The following NKAIN2 variants were observed in gnomAD, a reference collection of about 807,000 sequenced individuals.
NKAIN2 encodes sodium/potassium transporting ATPase interacting 2.
In NKAIN2, 14 loss-of-function variants were observed where a neutral mutation model predicts 32.6. The observed-to-expected ratio is 0.43, with a 90% CI of 0.28 to 0.67. The LOEUF is 0.67. Among genes scored for constraint, NKAIN2 ranks in the 30% least tolerant of loss-of-function variants. NKAIN2 has a pLI of 0.17. For missense variants in NKAIN2, 198 were observed against 258.3 expected (o/e 0.77, Z 1.60); for synonymous variants, 80 against 87.2 (o/e 0.92, Z 0.46).
intron 1 of NKAIN2, among the ~76,000 whole-genome samples, chr6:124,250,434 G>A (rs567094018): frequency 6.6e-6 from 1 of 152,028 alleles, no homozygotes; most frequent in Admixed American, 6.6e-5. Context: ...AATACAAAGG[G>A]AAGATTTTTA....
chr6:124,060,806 T>C (rs1349478390), intron 1 of NKAIN2, among the ~76,000 whole-genome samples: 1 of 151,966 alleles, frequency 6.6e-6, no homozygotes, highest in East Asian at 1.9e-4. Flanking sequence ...AATAGAAAAA[T>C]TGGAAAATAT....
chr6:124,026,326 C>T (rs1781109680), intron 1 of NKAIN2, among the ~76,000 whole-genome samples: 1 of 152,154 alleles, frequency 6.6e-6, no homozygotes, highest in Admixed American at 6.6e-5. Context: ...TATTCATATT[C>T]ATATTTTGCC....
chr6:124,805,576 G>C (rs1346739845), intron 5 of NKAIN2, among the ~76,000 whole-genome samples: 17 of 152,182 alleles, frequency 1.1e-4, no homozygotes, highest in South Asian at 6.2e-4. Context: ...ACTCTAAAAA[G>C]CAGAGCATCT....
At position 124,823,839 on chromosome 6, in the gene NKAIN2, G is replaced by T. The variant is rs1378688499; in HGVS notation, c.*610G>T. Reference sequence around the variant, plus strand: ...AGAATCCCAGTGCAGACAGCCCCAAGCCACTTCCTTTAGGCTAACACACTG... The same window carrying T: ...AGAATCCCAGTGCAGACAGCCCCAATCCACTTCCTTTAGGCTAACACACTG... On this transcript the variant is annotated 3_prime_UTR_variant, in exon 7 of 7. Transcript: ENST00000368417. 1 of 153,070 alleles carries T rather than the reference G, an allele frequency of 6.5e-6. No homozygotes were observed. The highest frequency in any genetic ancestry group is 1.5e-5 in the Non-Finnish European group (1 of 68,718). 9.5% of individuals were successfully genotyped at this position (153,070 alleles called of 1,614,324 possible).
At chr6:124,269,300 G>A (rs984491093) in intron 1 of NKAIN2, among the ~76,000 whole-genome samples, 9 of 151,914 alleles carry the variant, frequency 5.9e-5, no homozygotes, top group Non-Finnish European at 8.8e-5. Flanking sequence ...TCAATACTAG[G>A]GTTACTTCAA....
At chr6:124,382,277 A>C (rs1246516051) in intron 3 of NKAIN2, among the ~76,000 whole-genome samples, 1 of 118,780 alleles carries the variant, frequency 8.4e-6, no homozygotes, top group Non-Finnish European at 1.7e-5. Flanking sequence ...GAGGAGAAAA[A>C]AGGAGAAAGG....
At chr6:124,107,902 A>G (rs571978957) in intron 1 of NKAIN2, among the ~76,000 whole-genome samples, 1 of 152,236 alleles carries the variant, frequency 6.6e-6, no homozygotes, top group Non-Finnish European at 1.5e-5. Context: ...TTGTATGTAT[A>G]TCACATGTTT....
intron 1 of NKAIN2, among the ~76,000 whole-genome samples, chr6:123,967,382 C>T (rs1430932686): frequency 1.3e-5 from 2 of 152,172 alleles, no homozygotes; most frequent in Non-Finnish European, 2.9e-5. Flanking sequence ...GGCATCTAGC[C>T]GAGTTCACTG....
chr6:124,700,822 A>T (rs1774742468), intron 4 of NKAIN2, among the ~76,000 whole-genome samples: 1 of 151,706 alleles, frequency 6.6e-6, no homozygotes, highest in Admixed American at 6.6e-5. Flanking sequence ...CTTAAATTCC[A>T]ATAAAAAGGA....
At chr6:124,814,715 T>A (rs1315612261) in intron 5 of NKAIN2, among the ~76,000 whole-genome samples, 1 of 152,152 alleles carries the variant, frequency 6.6e-6, no homozygotes, top group Non-Finnish European at 1.5e-5. Flanking sequence ...TTGGAAGGTC[T>A]ACATGGCTTC....
Position 124,097,330 on chromosome 6 carries a change from G to T in NKAIN2, c.55-185675G>T, listed in dbSNP as rs993550361. Reference sequence around the variant, plus strand: ...GAAGCGGGAGAATCGCTTGAACCTGGGGTTGGAGGTTGCATTGAGCCGACA... The same window carrying T: ...GAAGCGGGAGAATCGCTTGAACCTGTGGTTGGAGGTTGCATTGAGCCGACA... On this transcript the variant is annotated intron_variant, in intron 1 of 6. Transcript: ENST00000368417. Among the ~76,000 whole-genome samples the T allele has an allele frequency of 6.5e-4, 99 of 151,908 alleles. 1 individual carries two copies. Among genetic ancestry groups the T allele is most frequent in the African/African-American group, 2.1e-3 (85 of 41,394 alleles).
chr6:124,240,239 TGAG>T (rs1445313575), intron 1 of NKAIN2, among the ~76,000 whole-genome samples: 1 of 152,036 alleles, frequency 6.6e-6, no homozygotes, highest in Non-Finnish European at 1.5e-5. Flanking sequence ...GTTCTAAAAT[TGAG>T]GCAGTAATTA....
At position 124,694,441 on chromosome 6, in the gene NKAIN2, C is replaced by T. The variant is rs925652332; in HGVS notation, c.474+36055C>T. ...GGAACCGGCAGGAGTAAATTAGCACCGGCTGATTGAGAGACTTTTGCCCAG... is the reference window on the plus strand; with the variant it reads ...GGAACCGGCAGGAGTAAATTAGCACTGGCTGATTGAGAGACTTTTGCCCAG... On this transcript the variant is annotated intron_variant, in intron 4 of 6. Transcript: ENST00000368417. Among the ~76,000 whole-genome samples, 6 of 152,268 alleles carry T rather than the reference C, an allele frequency of 3.9e-5. 1 individual carries two copies. The South Asian group carries it at 6.2e-4, about 16-fold the overall frequency.
chr6:124,324,472 A>G (rs1015504098), intron 2 of NKAIN2, among the ~76,000 whole-genome samples: 3 of 152,088 alleles, frequency 2.0e-5, no homozygotes, highest in African/African-American at 7.2e-5. Flanking sequence ...TAATATTTCT[A>G]ATTTTTTTGT....
chr6:124,563,990 G>A (rs1318126848), intron 3 of NKAIN2, among the ~76,000 whole-genome samples: 1 of 152,144 alleles, frequency 6.6e-6, no homozygotes, highest in Non-Finnish European at 1.5e-5. Context: ...CTCTCAGGGT[G>A]GAGACTTTAG....
intron 1 of NKAIN2, among the ~76,000 whole-genome samples, chr6:124,259,258 G>A (rs1328636623): frequency 2.6e-5 from 4 of 152,146 alleles, no homozygotes; most frequent in East Asian, 1.9e-4. Context: ...ATATGGTGGG[G>A]AAAGAATACA....
chr6:123,811,749 AAG>A (rs1389216863), intron 1 of NKAIN2, among the ~76,000 whole-genome samples: 4 of 152,038 alleles, frequency 2.6e-5, no homozygotes, highest in African/African-American at 9.7e-5. Flanking sequence ...AGTTAAAGGG[AAG>A]TTTATGGCCA....
At chr6:124,728,946 T>C (rs1426168982) in intron 4 of NKAIN2, among the ~76,000 whole-genome samples, 3 of 149,602 alleles carry the variant, frequency 2.0e-5, no homozygotes, top group Non-Finnish European at 4.5e-5. Flanking sequence ...GCAAATAAAC[T>C]AGAAAATCTA....
chr6:123,807,707 T>C (rs912145226), intron 1 of NKAIN2, among the ~76,000 whole-genome samples: 1 of 152,128 alleles, frequency 6.6e-6, no homozygotes, highest in Non-Finnish European at 1.5e-5. Flanking sequence ...AGATTTGTTT[T>C]CAAGTAAGGA....
Sources: gnomAD v4.1 joint callset for allele counts (sites outside exome capture counted in the v4.1 genomes callset) on GRCh38, gnomAD v4.1.1 for gene constraint, MANE v1.5 for transcripts, NCBI Gene and HGNC (gene_info 2026-07-23, HGNC 2026-07-21) for gene names.